The following ASTN2 variants were observed in gnomAD, a reference collection of about 807,000 sequenced individuals.
The protein encoded by ASTN2 is astrotactin 2, also known as astrotactin-2.
In ASTN2, 54 loss-of-function variants were observed where a neutral mutation model predicts 139.8. The observed-to-expected ratio is 0.39, with a 90% CI of 0.31 to 0.48. The LOEUF (loss-of-function observed/expected upper bound fraction) is 0.48, where lower values mean the gene tolerates loss of function less well. ASTN2 is among the 20% of genes least tolerant of loss of function. The pLI, the probability that ASTN2 is intolerant of heterozygous loss-of-function variation, is 0.95. For synonymous variants in ASTN2, 756 were observed against 719.5 expected, an observed-to-expected ratio of 1.05 and a Z score of -0.81; for missense variants, 1,565 against 1,725.1, an observed-to-expected ratio of 0.91 and a Z score of 1.64.
At chr9:117,024,443 ATAGGGAAC>A (rs1837994364) in intron 6 of ASTN2, among the ~76,000 whole-genome samples, 2 of 152,086 alleles carry the variant, frequency 1.3e-5, no homozygotes, top group East Asian at 3.9e-4. Flanking sequence ...AGTATCCTGA[ATAGGGAAC>A]AGATCTAAAT....
At chr9:116,516,568 T>A (rs1850659020) in intron 19 of ASTN2, among the ~76,000 whole-genome samples, 1 of 152,222 alleles carries the variant, frequency 6.6e-6, no homozygotes, top group Admixed American at 6.5e-5. Flanking sequence ...TGTGAACTTT[T>A]GCTCCAAGAA....
rs187931989 is a variant in ASTN2 at position 116,651,899 on chromosome 9, G to C, written c.2807-106C>G. 5.8e-6 allele frequency: 8 copies of C among 1,380,440 alleles called. No individual in the cohort carries two copies. The African/African-American group carries it at 8.6e-5, about 15-fold the overall frequency. 85.5% of individuals were successfully genotyped at this position (1,380,440 alleles called of 1,614,324 possible). The stretch of plus-strand genomic sequence containing the variant: ...AGATGCTAAGAAGCTGGTATCCATT[G>C]AGGAAGTAAAAAGATGATAGAGTGA... On this transcript the variant is annotated intron_variant, in intron 16 of 22. Transcript: ENST00000313400.
chr9:117,029,632 A>T (rs1216041408), intron 6 of ASTN2, among the ~76,000 whole-genome samples: 1 of 152,066 alleles, frequency 6.6e-6, no homozygotes, highest in Non-Finnish European at 1.5e-5. Flanking sequence ...GTATCTGAGC[A>T]TGCCACAGAG....
intron 18 of ASTN2, among the ~76,000 whole-genome samples, chr9:116,619,449 T>C (rs113725780): frequency 4.1e-3 from 630 of 152,184 alleles, no homozygotes; most frequent in Non-Finnish European, 7.2e-3. Flanking sequence ...CTATTCCCTC[T>C]TCCTTCCAAC....
At chr9:117,363,472 A>T (rs1407624515) in intron 1 of ASTN2, among the ~76,000 whole-genome samples, 1 of 152,202 alleles carries the variant, frequency 6.6e-6, no homozygotes, top group African/African-American at 2.4e-5. Flanking sequence ...GAAGGGAGGT[A>T]AGAATCTAGG....
At chr9:117,107,575 C>A (rs1829138716) in intron 4 of ASTN2, among the ~76,000 whole-genome samples, 2 of 152,174 alleles carry the variant, frequency 1.3e-5, no homozygotes, top group Non-Finnish European at 2.9e-5. Context: ...AATTTTCTCA[C>A]ATTCTTTTTG....
chr9:116,700,441 T>G (rs549857802), intron 16 of ASTN2: 1 of 167,168 alleles, frequency 6.0e-6, no homozygotes, highest in Non-Finnish European at 1.5e-5. Context: ...GGGTTGGAAT[T>G]ATGCCAAAGC....
intron 19 of ASTN2, among the ~76,000 whole-genome samples, chr9:116,542,777 C>T (rs1851928090): frequency 6.6e-6 from 1 of 151,702 alleles, no homozygotes; most frequent in Non-Finnish European, 1.5e-5. Context: ...AGTAGCTGGG[C>T]ATGGTGGCAG....
chr9:116,749,499 C>T (rs953686372), intron 13 of ASTN2, among the ~76,000 whole-genome samples: 4 of 152,214 alleles, frequency 2.6e-5, no homozygotes, highest in Non-Finnish European at 5.9e-5. Context: ...AACTTACCCA[C>T]AACCTCTGGT....
chr9:116,992,458 G>A lies in ASTN2; in HGVS notation c.1591+15634C>T, dbSNP rs184243689. Reference sequence around the variant, plus strand: ...ATATTTTTCCCTCCACATTTAAGAGGGCATGTAGAATTGTGTAAGGACAGG... The same window carrying A: ...ATATTTTTCCCTCCACATTTAAGAGAGCATGTAGAATTGTGTAAGGACAGG... On this transcript the variant is annotated intron_variant, in intron 7 of 22. Transcript: ENST00000313400. 4.2e-3 allele frequency among the ~76,000 whole-genome samples: 643 copies of A among 152,210 alleles called. 6 individuals carry two copies. Among genetic ancestry groups the A allele is most frequent in the Non-Finnish European group, 6.8e-3 (463 of 68,014 alleles).
At chr9:117,248,927 G>A (rs112433781) in intron 2 of ASTN2, among the ~76,000 whole-genome samples, 2 of 152,282 alleles carry the variant, frequency 1.3e-5, no homozygotes, top group African/African-American at 4.8e-5. Context: ...GATGAGGTTC[G>A]GGGCAAGTCT....
intron 10 of ASTN2, among the ~76,000 whole-genome samples, chr9:116,902,689 T>C (rs1193870731): frequency 1.3e-5 from 2 of 152,106 alleles, no homozygotes; most frequent in Non-Finnish European, 2.9e-5. Context: ...CTGTTGTTAA[T>C]CGATGCATGA....
At chr9:116,709,332 CAG>C (rs1828078713) in intron 16 of ASTN2, among the ~76,000 whole-genome samples, 1 of 152,200 alleles carries the variant, frequency 6.6e-6, no homozygotes, top group Non-Finnish European at 1.5e-5. Flanking sequence ...TTGCAATCAA[CAG>C]AGTGAAGAGT....
At chr9:117,340,430 A>G (rs1246021496) in intron 1 of ASTN2, among the ~76,000 whole-genome samples, 1 of 151,086 alleles carries the variant, frequency 6.6e-6, no homozygotes, top group Non-Finnish European at 1.5e-5. Flanking sequence ...AACACCGGTT[A>G]TAGAAGAAAA....
intron 1 of ASTN2, among the ~76,000 whole-genome samples, chr9:117,359,100 A>C (rs1457981573): frequency 6.6e-6 from 1 of 152,224 alleles, no homozygotes; most frequent in East Asian, 1.9e-4. Context: ...AACATAAAAC[A>C]GTGTCTAATG....
At chr9:116,517,384 T>C (rs761632234) in intron 19 of ASTN2, among the ~76,000 whole-genome samples, 14 of 152,132 alleles carry the variant, frequency 9.2e-5, no homozygotes, top group Non-Finnish European at 1.3e-4. Context: ...CTCTGCTGGG[T>C]GGCTAGACTC....
At chr9:116,851,865 T>C (rs1238097092) in intron 11 of ASTN2, among the ~76,000 whole-genome samples, 1 of 152,110 alleles carries the variant, frequency 6.6e-6, no homozygotes, top group East Asian at 1.9e-4. Context: ...CTGGCTCTTA[T>C]ATAGGCCTAT....
intron 16 of ASTN2, among the ~76,000 whole-genome samples, chr9:116,690,107 T>C (rs888710974): frequency 1.3e-5 from 2 of 152,184 alleles, no homozygotes; most frequent in Admixed American, 1.3e-4. Flanking sequence ...AAAGAAAATA[T>C]GTCATGGGAA....
intron 10 of ASTN2, among the ~76,000 whole-genome samples, chr9:116,969,244 A>C (rs1836112631): frequency 6.6e-6 from 1 of 152,154 alleles, no homozygotes; most frequent in Non-Finnish European, 1.5e-5. Context: ...CAAGAGTCAG[A>C]CTCTCAGATT....
Sources: allele counts gnomAD v4.1 joint callset (sites outside exome capture counted in the v4.1 genomes callset), GRCh38; gene constraint gnomAD v4.1.1; transcripts MANE v1.5; gene names NCBI Gene and HGNC (gene_info 2026-07-23, HGNC 2026-07-21).